Variants in ZNF253 observed in about 807,000 individuals in gnomAD.
ZNF253 encodes the protein zinc finger protein 253, also known as DNA-binding protein.
Under a neutral mutation model 11.9 loss-of-function variants are expected in ZNF253, and 8 were observed. The ratio of observed to expected loss-of-function variants is 0.67; its 90% CI spans 0.40 to 1.22. The LOEUF (loss-of-function observed/expected upper bound fraction) is 1.22. Ranked by LOEUF, ZNF253 falls within the 50% of genes most tolerant of loss-of-function variation. The pLI is 0.01. For missense variants in ZNF253, 485 were observed against 586.9 expected (o/e 0.83, Z 1.79); for synonymous variants, 194 against 194.9 (o/e 1.00, Z 0.04).
chr19:19,872,595 A>G (rs2063139489), intron 1 of ZNF253, among the ~76,000 whole-genome samples: 3 of 145,160 alleles, frequency 2.1e-5, no homozygotes, highest in Admixed American at 2.1e-4. Flanking sequence ...ATATATATAT[A>G]TATATAATCA....
At chr19:19,884,902 T>C (rs2063192169) in intron 3 of ZNF253, among the ~76,000 whole-genome samples, 1 of 152,226 alleles carries the variant, frequency 6.6e-6, no homozygotes, top group Non-Finnish European at 1.5e-5. Context: ...TAATTTTGTG[T>C]GTGCTTTCAA....
chr19:19,885,305 T>TC (rs2063199328), intron 3 of ZNF253, among the ~76,000 whole-genome samples: 3 of 52,658 alleles, frequency 5.7e-5, no homozygotes, highest in African/African-American at 3.6e-4. Context: ...TTCTTTTCTT[T>TC]CTTTCTTTCT....
chr19:19,889,705 C>T (rs1170057739), intron 3 of ZNF253, among the ~76,000 whole-genome samples: 1 of 152,016 alleles, frequency 6.6e-6, no homozygotes, highest in African/African-American at 2.4e-5. Flanking sequence ...AGCAGTGGTA[C>T]AGTCACTCAC....
rs750262130 is a variant in ZNF253, at chr19:19,892,141, C to T, written c.894C>T (p.His298=). ...ECGKAFKHPS[H]VTTHKKIHTR... ...GCAAAGCCTTTAAGCACCCCTCACA[C>T]GTTACCACACATAAGAAAATTCATA... is the stretch of plus-strand genomic sequence containing the variant. Residue 298 remains histidine, a synonymous_variant, in exon 4 of 4, where the codon CAC becomes CAT. Transcript: ENST00000589717. The T allele has an allele frequency of 4.6e-5, 74 of 1,613,754 alleles. No individual in the cohort carries two copies. Among genetic ancestry groups the T allele is most frequent in the Admixed American group, 3.5e-4 (21 of 59,968 alleles).
At chr19:19,875,610 T>C (rs2063152068) in intron 1 of ZNF253, among the ~76,000 whole-genome samples, 1 of 152,154 alleles carries the variant, frequency 6.6e-6, no homozygotes, top group Non-Finnish European at 1.5e-5. Context: ...TTAGCCAGGA[T>C]GGTCTCGATC....
intron 3 of ZNF253, among the ~76,000 whole-genome samples, chr19:19,883,046 A>G (rs1311306272): frequency 2.0e-5 from 3 of 152,004 alleles, no homozygotes; most frequent in Non-Finnish European, 4.4e-5. Flanking sequence ...ATCTATAAAT[A>G]TGACCCCAAT....
chr19:19,886,133 C>CT (rs2063205584), intron 3 of ZNF253, among the ~76,000 whole-genome samples: 1 of 152,284 alleles, frequency 6.6e-6, no homozygotes, highest in East Asian at 1.9e-4. Flanking sequence ...GCTAGGATTA[C>CT]AGACATGCAC....
rs1302236400 is a variant in ZNF253, at chr19:19,885,260, TTTCTTTCTTTCTTTCTTTCTTTC to T, written c.226+5117_226+5139del. Among the ~76,000 whole-genome samples the T allele has an allele frequency of 4.1e-4, 28 of 68,018 alleles. 2 individuals are homozygous for T. Among genetic ancestry groups the T allele is most frequent in the Non-Finnish European group, 4.2e-4 (18 of 43,072 alleles). 44.6% of individuals were successfully genotyped at this position (68,018 alleles called of 152,430 possible). A position where few individuals can be genotyped will look rare whatever the true frequency, so the allele number is the denominator to read the frequency against. On this transcript the variant is annotated intron_variant, in intron 3 of 3. Coordinates refer to ENST00000589717, the MANE Select transcript of ZNF253 (RefSeq NM_021047.3). ...CTTTCTTTCTTTCTTTCTTTCTTTC[TTTCTTTCTTTCTTTCTTTCTTTC>T]TTTCTTTCTCTTTCTTTTCTTTCTT... is the stretch of plus-strand genomic sequence containing the variant.
chr19:19,890,678 T>C (rs1355814092), intron 3 of ZNF253, among the ~76,000 whole-genome samples: 1 of 151,892 alleles, frequency 6.6e-6, no homozygotes, highest in African/African-American at 2.4e-5. Flanking sequence ...CCTGTTACCA[T>C]GCCTGGCTAA....
chr19:19,869,830 C>T (rs773209535), intron 1 of ZNF253, among the ~76,000 whole-genome samples: 7 of 151,690 alleles, frequency 4.6e-5, no homozygotes, highest in South Asian at 4.2e-4. Flanking sequence ...CCACCATGTC[C>T]GGCTACTTTT....
At chr19:19,870,311 G>A (rs1337290820) in intron 1 of ZNF253, among the ~76,000 whole-genome samples, 2 of 150,254 alleles carry the variant, frequency 1.3e-5, no homozygotes, top group Non-Finnish European at 3.0e-5. Flanking sequence ...AGAATCGCTT[G>A]TTCCTGGGAG....
chr19:19,878,164 G>A (rs2063163126), intron 1 of ZNF253, among the ~76,000 whole-genome samples: 1 of 152,062 alleles, frequency 6.6e-6, no homozygotes, highest in African/African-American at 2.4e-5. Context: ...TTTTGCATCT[G>A]AAAAATATTC....
At chr19:19,875,689 C>T (rs1485225918) in intron 1 of ZNF253, among the ~76,000 whole-genome samples, 2 of 152,152 alleles carry the variant, frequency 1.3e-5, no homozygotes, top group Non-Finnish European at 2.9e-5. Context: ...GCCACCGCGC[C>T]CAGCCATTAA....
At chr19:19,889,945 A>G (rs866735885) in intron 3 of ZNF253, among the ~76,000 whole-genome samples, 19 of 152,288 alleles carry the variant, frequency 1.2e-4, no homozygotes, top group Non-Finnish European at 1.0e-4. Context: ...TGGCCTGTTC[A>G]ATTTATTCTG....
chr19:19,872,917 C>T (rs999103525), intron 1 of ZNF253, among the ~76,000 whole-genome samples: 1 of 152,018 alleles, frequency 6.6e-6, no homozygotes. Flanking sequence ...GGATGCAGAG[C>T]CAGGTGGATC....
At position 19,873,033 on chromosome 19, in the gene ZNF253, T is replaced by C. The variant is rs539965602; in HGVS notation, c.4-5448T>C. Among the ~76,000 whole-genome samples, 4 of 152,252 alleles carry C rather than the reference T, an allele frequency of 2.6e-5. No homozygotes were observed. The East Asian group carries it at 5.8e-4, about 22-fold the overall frequency. Reference sequence around the variant, plus strand: ...GAAAACTAACAAAAGGCATTTTCTGTATTGTGAGATGTCAGCATAGACATC... The same window carrying C: ...GAAAACTAACAAAAGGCATTTTCTGCATTGTGAGATGTCAGCATAGACATC... On this transcript the variant is annotated intron_variant, in intron 1 of 3. Coordinates refer to ENST00000589717, the MANE Select transcript of ZNF253 (RefSeq NM_021047.3).
chr19:19,866,837 A>G (rs2063113492), intron 1 of ZNF253, among the ~76,000 whole-genome samples: 1 of 152,080 alleles, frequency 6.6e-6, no homozygotes, highest in African/African-American at 2.4e-5. Context: ...TGACCTCACA[A>G]TCTAGGCTGA....
intron 3 of ZNF253, among the ~76,000 whole-genome samples, chr19:19,883,416 C>A (rs535056396): frequency 1.3e-5 from 2 of 151,744 alleles, no homozygotes; most frequent in East Asian, 3.9e-4. Context: ...GTTTGAGAGC[C>A]GCCTGGGGAA....
chr19:19,891,331 G>T, intron 3 of ZNF253, 143 bp from the exon 4 acceptor site: 1 of 664,476 alleles, frequency 1.5e-6, no homozygotes. Context: ...TTACATTTAT[G>T]TGTCCAGGAA....
Sources: allele counts gnomAD v4.1 joint callset (sites outside exome capture counted in the v4.1 genomes callset), GRCh38; gene constraint gnomAD v4.1.1; transcripts MANE v1.5; gene names NCBI Gene and HGNC (gene_info 2026-07-23, HGNC 2026-07-21).